Variants in ZEB1 observed in about 807,000 individuals in gnomAD.
ZEB1 encodes zinc finger E-box binding homeobox 1, also known as zinc finger E-box-binding homeobox 1.
A neutral mutation model predicts 84.9 loss-of-function variants in ZEB1; 21 were observed. That is an observed-to-expected ratio of 0.25 (90% CI 0.18 to 0.36). The LOEUF (loss-of-function observed/expected upper bound fraction) is 0.36, where lower values mean the gene tolerates loss of function less well. Among genes scored for constraint, ZEB1 ranks in the 10% least tolerant of loss-of-function variants. The pLI, the probability that ZEB1 is intolerant of heterozygous loss-of-function variation, is 1.00. For missense variants in ZEB1, 1,104 were observed against 1,330.2 expected (o/e 0.83, Z 2.65); for synonymous variants, 420 against 471.1 (o/e 0.89, Z 1.41).
chr10:31,321,149 C>T (rs2033926001), intron 1 of ZEB1: 2 of 1,063,370 alleles, frequency 1.9e-6, no homozygotes, highest in Non-Finnish European at 2.3e-6. Flanking sequence ...TCCCTCCCCT[C>T]TGGGATGCGA....
chr10:31,502,327 A>G, intron 3 of ZEB1, 21 bp from the exon 4 acceptor site: 1 of 1,612,916 alleles, frequency 6.2e-7, no homozygotes, highest in Non-Finnish European at 8.5e-7. Flanking sequence ...TTGCTGTCTT[A>G]AAAGTATGCA....
intron 3 of ZEB1, among the ~76,000 whole-genome samples, chr10:31,501,052 G>A (rs1478388531): frequency 6.6e-6 from 1 of 152,212 alleles, no homozygotes; most frequent in Non-Finnish European, 1.5e-5. Flanking sequence ...CTACAGTGCA[G>A]GAGATGTAGC....
At chr10:31,493,658 G>A (rs1259991758) in intron 2 of ZEB1, among the ~76,000 whole-genome samples, 1 of 151,982 alleles carries the variant, frequency 6.6e-6, no homozygotes. Context: ...ACACACTCAT[G>A]CTAGTCCACG....
At chr10:31,461,333 TC>T in intron 2 of ZEB1, 96 bp downstream of exon 2, 2 of 1,337,986 alleles carry the variant, frequency 1.5e-6, no homozygotes, top group East Asian at 5.0e-5. Flanking sequence ...AAGTTTGAAA[TC>T]AATAGTAAAT....
chr10:31,522,157 A>G (rs1318796189), intron 7 of ZEB1, among the ~76,000 whole-genome samples: 4 of 152,222 alleles, frequency 2.6e-5, no homozygotes, highest in African/African-American at 7.2e-5. Flanking sequence ...TTGAAATGCT[A>G]TTCTACTGAA....
chr10:31,461,513 C>T (rs2061810970), intron 2 of ZEB1, among the ~76,000 whole-genome samples: 3 of 151,966 alleles, frequency 2.0e-5, no homozygotes. Flanking sequence ...TTGAACCTAC[C>T]TTTAATTTTT....
At chr10:31,321,752 C>A in intron 1 of ZEB1, 1 of 618,408 alleles carries the variant, frequency 1.6e-6, no homozygotes, top group Non-Finnish European at 2.8e-6. Context: ...TAAGGCATAT[C>A]AACAGATGAC....
At chr10:31,390,459 T>A (rs2049426414) in intron 1 of ZEB1, among the ~76,000 whole-genome samples, 2 of 152,194 alleles carry the variant, frequency 1.3e-5, no homozygotes, top group Non-Finnish European at 2.9e-5. Context: ...TATTTAAACA[T>A]TTTACATCTA....
chr10:31,319,215 T>C, upstream of ZEB1: 1 of 1,596,092 alleles, frequency 6.3e-7, no homozygotes, highest in Non-Finnish European at 8.5e-7. Context: ...CTCGAGCATT[T>C]AGACACAAGC....
chr10:31,432,049 C>G (rs1390103671), intron 1 of ZEB1, among the ~76,000 whole-genome samples: 4 of 152,092 alleles, frequency 2.6e-5, no homozygotes. Flanking sequence ...AGCATATGTT[C>G]TTTTTAAGGA....
intron 1 of ZEB1, among the ~76,000 whole-genome samples, chr10:31,397,419 A>G (rs2051016189): frequency 6.6e-6 from 1 of 152,004 alleles, no homozygotes; most frequent in Admixed American, 6.6e-5. Context: ...CAGTAAAAGG[A>G]CAGCTCAATT....
At chr10:31,399,104 C>T (rs759701381) in intron 1 of ZEB1, among the ~76,000 whole-genome samples, 1 of 151,618 alleles carries the variant, frequency 6.6e-6, no homozygotes, top group Non-Finnish European at 1.5e-5. Context: ...AAGCGATTCT[C>T]CTGCCTCAGC....
Position 31,443,093 on chromosome 10 carries a change from T to A in ZEB1, c.59-17944T>A, listed in dbSNP as rs570002797. ...AGTTGAGAGTGTACGTGAGAAGTGA[T>A]TATAAAAATATAAGATTAAAATGGA... On this transcript the variant is annotated intron_variant, in intron 1 of 8. Coordinates refer to ENST00000424869, the MANE Select transcript of ZEB1 (RefSeq NM_001174096.2). Among the ~76,000 whole-genome samples, 3 of 152,280 alleles carry A rather than the reference T, an allele frequency of 2.0e-5. No homozygotes were observed. The East Asian group carries it at 5.8e-4, about 29-fold the overall frequency.
At chr10:31,476,943 C>G (rs2064294848) in intron 2 of ZEB1, among the ~76,000 whole-genome samples, 1 of 152,028 alleles carries the variant, frequency 6.6e-6, no homozygotes, top group African/African-American at 2.4e-5. Context: ...GACAAAGTCA[C>G]AGCCAACATC....
Position 31,502,480 on chromosome 10 carries a change from C to T in ZEB1, c.455C>T (p.Thr152Ile). ...CCTGAAGAGGACCAGAGGCAGGGCA[C>T]ACCAGAAGCCAGTGGTCATGATGAA... ...EAPEEDQRQG[T>I]PEASGHDENG... Residue 152 changes from threonine (T) to isoleucine (I), a missense_variant, in exon 4 of 9, where the codon ACA (threonine) becomes ATA (isoleucine). Coordinates refer to ENST00000424869, the MANE Select transcript of ZEB1 (RefSeq NM_001174096.2). The T allele has an allele frequency of 6.2e-7, 1 of 1,613,862 alleles. No homozygotes were observed.
chr10:31,517,715 AC>A (rs1300712036), intron 6 of ZEB1, among the ~76,000 whole-genome samples: 2 of 152,088 alleles, frequency 1.3e-5, no homozygotes, highest in African/African-American at 4.8e-5. Flanking sequence ...TGTTGTGTAA[AC>A]TTTCTTTCTG....
At chr10:31,351,995 AT>A (rs2041389134) in intron 1 of ZEB1, among the ~76,000 whole-genome samples, 1 of 152,202 alleles carries the variant, frequency 6.6e-6, no homozygotes, top group Admixed American at 6.5e-5. Context: ...CTGTATACTA[AT>A]TCTTTATATA....
At chr10:31,404,948 C>G (rs1410441667) in intron 1 of ZEB1, among the ~76,000 whole-genome samples, 1 of 152,070 alleles carries the variant, frequency 6.6e-6, no homozygotes, top group Non-Finnish European at 1.5e-5. Context: ...TACAGTTACA[C>G]AAGGCTCAGC....
chr10:31,363,305 T>C lies in ZEB1; in HGVS notation c.58+44013T>C, dbSNP rs1007622202. The C allele has an allele frequency of 2.1e-5, 32 of 1,532,916 alleles. No homozygotes were observed. In the Admixed American group the frequency reaches 3.5e-4, roughly 17 times the overall value. The allele number at this position is 1,532,916 out of a possible 1,614,324, so 95.0% of individuals were successfully genotyped here. ...GGGTCAGGCTTCCCAAAGGGAAGGA[T>C]GCCTCCAGCAGGGCTGTGTGAACTG... On this transcript the variant is annotated intron_variant, in intron 1 of 8. Transcript: ENST00000424869.
Sources: allele counts gnomAD v4.1 joint callset (sites outside exome capture counted in the v4.1 genomes callset), GRCh38; gene constraint gnomAD v4.1.1; transcripts MANE v1.5; gene names NCBI Gene and HGNC (gene_info 2026-07-23, HGNC 2026-07-21).